ARK2C: variants seen among roughly 807,000 people sequenced by gnomAD.
ARK2C encodes E3 ubiquitin-protein ligase ARK2C.
the ARK2C span, among the ~76,000 whole-genome samples, chr18:46,413,295 T>C: frequency 6.6e-6 from 1 of 152,178 alleles, no homozygotes; most frequent in East Asian, 1.9e-4. Flanking sequence ...AAGTGGACCA[T>C]GTGGTGACGT....
the ARK2C span, among the ~76,000 whole-genome samples, chr18:46,350,186 C>T: frequency 6.6e-6 from 1 of 152,196 alleles, no homozygotes; most frequent in Non-Finnish European, 1.5e-5. Flanking sequence ...CTATGAAGCC[C>T]CTACCCCACC....
At chr18:46,453,674 G>T in the ARK2C span, among the ~76,000 whole-genome samples, 2 of 151,804 alleles carry the variant, frequency 1.3e-5, no homozygotes, top group African/African-American at 4.8e-5. Context: ...AATTTAAATT[G>T]AGAGTATAAT....
chr18:46,367,123 A>G, the ARK2C span, among the ~76,000 whole-genome samples: 1 of 152,328 alleles, frequency 6.6e-6, no homozygotes, highest in African/African-American at 2.4e-5. Flanking sequence ...CCGGCTGCCC[A>G]TCTGCTGGGG....
At chr18:46,453,126 C>T in the ARK2C span, among the ~76,000 whole-genome samples, 1 of 152,158 alleles carries the variant, frequency 6.6e-6, no homozygotes, top group South Asian at 2.1e-4. Context: ...CAGCTCCTCT[C>T]AAGGCACTGG....
chr18:46,399,172 T>C, the ARK2C span, among the ~76,000 whole-genome samples: 1 of 152,184 alleles, frequency 6.6e-6, no homozygotes, highest in Non-Finnish European at 1.5e-5. Context: ...TGTGCTTATC[T>C]TTTGGGTGAG....
the ARK2C span, among the ~76,000 whole-genome samples, chr18:46,404,769 AAC>A: frequency 1.1e-4 from 16 of 143,826 alleles, no homozygotes; most frequent in East Asian, 4.0e-4. Context: ...CACACACACA[AAC>A]ACACACACAC....
At chr18:46,418,054 C>T in the ARK2C span, among the ~76,000 whole-genome samples, 213 of 150,876 alleles carry the variant, frequency 1.4e-3, no homozygotes, top group African/African-American at 5.0e-3. Flanking sequence ...TTCTAGCAGC[C>T]ACATTAAAAA....
chr18:46,336,079 GA>G, the ARK2C span: 1 of 985,370 alleles, frequency 1.0e-6, no homozygotes, highest in Non-Finnish European at 1.2e-6. Flanking sequence ...GAGGAAGAAA[GA>G]GGGGGGCTGG....
chr18:46,402,615 C>T, the ARK2C span, among the ~76,000 whole-genome samples: 1 of 152,170 alleles, frequency 6.6e-6, no homozygotes, highest in South Asian at 2.1e-4. Flanking sequence ...ATCCTCCCAT[C>T]AGCAACCTCC....
At chr18:46,433,373 T>C in the ARK2C span, 2 of 1,613,302 alleles carry the variant, frequency 1.2e-6, no homozygotes, top group South Asian at 2.2e-5. Flanking sequence ...CACCAGTCGC[T>C]GACCCCGCTG....
chr18:46,441,134 C>T, the ARK2C span, among the ~76,000 whole-genome samples: 1 of 152,088 alleles, frequency 6.6e-6, no homozygotes, highest in Admixed American at 6.6e-5. Context: ...TACAGGTGTG[C>T]ACCACTGTGC....
the ARK2C span, among the ~76,000 whole-genome samples, chr18:46,342,015 A>C: frequency 1.3e-5 from 2 of 152,174 alleles, no homozygotes; most frequent in Non-Finnish European, 2.9e-5. Flanking sequence ...GGGACTGAGG[A>C]CAAGGACAGG....
chr18:46,433,516 C>T, the ARK2C span: 2 of 1,586,612 alleles, frequency 1.3e-6, no homozygotes, highest in African/African-American at 1.3e-5. Flanking sequence ...GTTGGTGCTG[C>T]CTGGGGCGGA....
At chr18:46,424,180 A>G in the ARK2C span, among the ~76,000 whole-genome samples, 142,322 of 152,326 alleles carry the variant, frequency 0.93, 67,276 homozygotes, top group East Asian at 1. Context: ...AGGGCTCCCA[A>G]GGGAGTTAAC....
the ARK2C span, among the ~76,000 whole-genome samples, chr18:46,396,011 C>T: frequency 5.9e-5 from 9 of 152,190 alleles, no homozygotes; most frequent in African/African-American, 1.4e-4. Flanking sequence ...GCAGACTTGG[C>T]GTTGTTCTGT....
chr18:46,409,495 C>T, the ARK2C span, among the ~76,000 whole-genome samples: 2 of 152,158 alleles, frequency 1.3e-5, no homozygotes, highest in African/African-American at 4.8e-5. Flanking sequence ...CTGGATTTGA[C>T]AGTAGAAGAG....
chr18:46,368,455 A>T, the ARK2C span, among the ~76,000 whole-genome samples: 1 of 152,210 alleles, frequency 6.6e-6, no homozygotes, highest in Non-Finnish European at 1.5e-5. Context: ...AGCTGGCAGA[A>T]GCTCATGAGT....
At chr18:46,440,713 CAA>C in the ARK2C span, among the ~76,000 whole-genome samples, 10,739 of 152,194 alleles carry the variant, frequency 0.071, 424 homozygotes, top group African/African-American at 0.085. Flanking sequence ...TACTTTGTAT[CAA>C]TCAAGATCCG....
At chr18:46,373,096 G>T in the ARK2C span, among the ~76,000 whole-genome samples, 153 of 152,348 alleles carry the variant, frequency 1.0e-3, no homozygotes, top group African/African-American at 3.6e-3. Flanking sequence ...AACTCCAAAG[G>T]TAACTAGTAA....
Sources: allele counts gnomAD v4.1 joint callset (sites outside exome capture counted in the v4.1 genomes callset), GRCh38; gene constraint gnomAD v4.1.1; transcripts MANE v1.5; gene names NCBI Gene and HGNC (gene_info 2026-07-23, HGNC 2026-07-21).